PRSS16: variants seen among roughly 807,000 people sequenced by gnomAD.
The protein encoded by PRSS16 is thymus-specific serine protease.
Under a neutral mutation model 61.7 loss-of-function variants are expected in PRSS16, and 43 were observed. The ratio of observed to expected loss-of-function variants is 0.70; its 90% CI spans 0.55 to 0.90. The LOEUF is 0.90. Ranked by LOEUF, PRSS16 falls within the 40% of genes least tolerant of loss-of-function variation. The probability of loss-of-function intolerance (pLI) is 0.00; values close to 1 mark genes in which losing one functional copy is unlikely to be tolerated. For missense variants in PRSS16, 591 were observed against 659.1 expected (o/e 0.90, Z 1.13); for synonymous variants, 273 against 285.2 (o/e 0.96, Z 0.43).
chr6:27,251,773 C>G lies in PRSS16; in HGVS notation c.741C>G (p.Ala247=). The change falls in exon 8 of 12, where the codon GCC becomes GCG. Residue 247 remains alanine, a synonymous_variant. Transcript: ENST00000230582. The surrounding 1 kb of genome is among the most constrained non-coding windows in gnomAD (Gnocchi z 5.6). ...SLECRAAVSV[A]FAEVERRLRS... ...AGTGCCGGGCGGCGGTGTCCGTCGC[C>G]TTCGCTGAAGTGGAGCGGCGGCTGC... The G allele has an allele frequency of 6.2e-7, 1 of 1,607,302 alleles. No individual in the cohort carries two copies. The highest frequency in any genetic ancestry group is 1.1e-5 in the South Asian group (1 of 90,752).
Position 27,251,531 on chromosome 6 carries a change from T to G in PRSS16, c.718-219T>G. Reference sequence around the variant, plus strand: ...GGCTCAAGGTGGGGCGGGGCCACAATGGAGGACGGGGCCTGCAGGGAAGAC... The same window carrying G: ...GGCTCAAGGTGGGGCGGGGCCACAAGGGAGGACGGGGCCTGCAGGGAAGAC... On this transcript the variant is annotated intron_variant, in intron 7 of 11. Coordinates refer to ENST00000230582, the MANE Select transcript of PRSS16 (RefSeq NM_005865.4). This position sits in a 1 kb window ranked among gnomAD's most constrained non-coding sequence, Gnocchi z 5.6. The G allele has an allele frequency of 1.7e-6, 1 of 577,264 alleles. No individual in the cohort carries two copies. The highest frequency in any genetic ancestry group is 2.6e-6 in the Non-Finnish European group (1 of 391,288). 35.8% of individuals were successfully genotyped at this position (577,264 alleles called of 1,614,324 possible). A position where few individuals can be genotyped will look rare whatever the true frequency, so the allele number is the denominator to read the frequency against.
rs1378688900 is a variant in PRSS16 at position 27,256,243 on chromosome 6, C to A, written c.*928C>A. On this transcript the variant is annotated 3_prime_UTR_variant, in exon 12 of 12. Coordinates refer to ENST00000230582, the MANE Select transcript of PRSS16 (RefSeq NM_005865.4). ...ACCCTTCACTCACCATCTTTTCCCA[C>A]AATCAAATATCACTCCCTGGTACTT... 1 of 152,748 alleles carries A rather than the reference C, an allele frequency of 6.5e-6. No homozygotes were observed. The highest frequency in any genetic ancestry group is 1.5e-5 in the Non-Finnish European group (1 of 68,126). 9.5% of individuals were successfully genotyped at this position (152,748 alleles called of 1,614,324 possible).
Position 27,256,143 on chromosome 6 carries a change from C to A in PRSS16, c.*828C>A. 1 of 152,744 alleles carries A rather than the reference C, an allele frequency of 6.5e-6. No homozygotes were observed. 9.5% of individuals were successfully genotyped at this position (152,744 alleles called of 1,614,324 possible). A position where few individuals can be genotyped will look rare whatever the true frequency, so the allele number is the denominator to read the frequency against. ...CTCTATTTCTGTCTCTGATGCTCTT[C>A]TTCTGTGTCTCTATTTCTCTTCCTG... On this transcript the variant is annotated 3_prime_UTR_variant, in exon 12 of 12. Coordinates refer to ENST00000230582, the MANE Select transcript of PRSS16 (RefSeq NM_005865.4).
In PRSS16 at chr6:27,251,872, C is replaced by T. The variant is rs1759917387; in HGVS notation, c.840C>T (p.Asn280=). ...GCGGGCCCCTGGGCCGCGCTGAAAA[C>T]CAGGCGGAGCTGTTGGGGGCGCTGC... The part of the protein sequence containing the change: ...SACGPLGRAE[N]QAELLGALQA... The change falls in exon 8 of 12, where the codon AAC becomes AAT. Residue 280 remains asparagine (N), a synonymous_variant. Transcript: ENST00000230582. This position sits in a 1 kb window ranked among gnomAD's most constrained non-coding sequence, Gnocchi z 5.6. 1.9e-6 allele frequency: 3 copies of T among 1,613,244 alleles called. No individual in the cohort carries two copies. The highest frequency in any genetic ancestry group is 3.3e-5 in the Admixed American group (2 of 59,934).
chr6:27,251,013 C>T lies in PRSS16; in HGVS notation c.592-29C>T, dbSNP rs973801729. ...AGATATGCGATTCCAACCCCTCAGC[C>T]CGCAGGCTGACGGCGTCTCCTCCCT... On this transcript the variant is annotated intron_variant, in intron 5 of 11. Transcript: ENST00000230582. The surrounding 1 kb of genome is among the most constrained non-coding windows in gnomAD (Gnocchi z 5.6). 1 of 1,612,360 alleles carries T rather than the reference C, an allele frequency of 6.2e-7. No individual in the cohort carries two copies. Among genetic ancestry groups the T allele is most frequent in the African/African-American group, 1.3e-5 (1 of 75,060 alleles).
Position 27,252,684 on chromosome 6 carries a change from G to A in PRSS16, c.1009-124G>A. 1 of 1,044,446 alleles carries A rather than the reference G, an allele frequency of 9.6e-7. No individual in the cohort carries two copies. The highest frequency in any genetic ancestry group is 1.4e-6 in the Non-Finnish European group (1 of 713,872). 64.7% of individuals were successfully genotyped at this position (1,044,446 alleles called of 1,614,324 possible). ...CACCCCCTCTGACCACTGACTCCCA[G>A]GAGAACTCAGGAACTCACCCTTCTA... is the stretch of plus-strand genomic sequence containing the variant. On this transcript the variant is annotated intron_variant, in intron 8 of 11. Transcript: ENST00000230582. This position sits in a 1 kb window ranked among gnomAD's most constrained non-coding sequence, Gnocchi z 4.2.
rs536776485 is a variant in PRSS16, at chr6:27,248,039, C to A, written c.228C>A (p.Ser76=). 3 of 1,613,582 alleles carry A rather than the reference C, an allele frequency of 1.9e-6. No homozygotes were observed. Among genetic ancestry groups the A allele is most frequent in the African/African-American group, 2.7e-5 (2 of 74,998 alleles). Residue 76 remains serine, a synonymous_variant, in exon 2 of 12, where the codon TCC becomes TCA. Coordinates refer to ENST00000230582, the MANE Select transcript of PRSS16 (RefSeq NM_005865.4). The part of the protein sequence containing the change: ...LDPFNVSDRR[S]FLQRYWVNDQ... The stretch of plus-strand genomic sequence containing the variant: ...CCTTCAACGTGTCCGACAGACGATC[C>A]TTCCTACAGGTGAGGCCGGGAGACG...
Position 27,249,084 on chromosome 6 carries a change from C to A in PRSS16, c.338-16C>A. On this transcript the variant is annotated splice_polypyrimidine_tract_variant and intron_variant, in intron 3 of 11. Transcript: ENST00000230582. ...GCATCTCACCTCCCCACCCCCCACC[C>A]ATACACTCTTCACAGGCCATCCCGC... 3 of 621,342 alleles carry A rather than the reference C, an allele frequency of 4.8e-6. No homozygotes were observed. The highest frequency in any genetic ancestry group is 4.6e-5 in the South Asian group (3 of 65,466). The allele number at this position is 621,342 out of a possible 1,614,324, so 38.5% of individuals were successfully genotyped here.
chr6:27,256,399 C>A lies in PRSS16; in HGVS notation c.*1084C>A, dbSNP rs1760030889. 1 of 152,656 alleles carries A rather than the reference C, an allele frequency of 6.6e-6. No individual in the cohort carries two copies. The allele number at this position is 152,656 out of a possible 1,614,324, so 9.5% of individuals were successfully genotyped here. ...GTGACAGGAACCTGCCATAGATTTG[C>A]ACTGTTCTTTCCTAAAGATCAATTA... On this transcript the variant is annotated 3_prime_UTR_variant, in exon 12 of 12. Transcript: ENST00000230582.
chr6:27,249,051 C>A, intron 3 of PRSS16, 49 bp from the exon 4 acceptor site: 1 of 1,432,296 alleles, frequency 7.0e-7, no homozygotes, highest in Non-Finnish European at 9.8e-7. Context: ...AGGGCTTAAA[C>A]TCAACTTGCA....
Position 27,249,081 on chromosome 6 carries a change from A to G in PRSS16, c.338-19A>G. On this transcript the variant is annotated intron_variant, in intron 3 of 11. Coordinates refer to ENST00000230582, the MANE Select transcript of PRSS16 (RefSeq NM_005865.4). ...CTTGCATCTCACCTCCCCACCCCCC[A>G]CCCATACACTCTTCACAGGCCATCC... 2.0e-6 allele frequency: 1 copy of G among 489,266 alleles called. No homozygotes were observed. The highest frequency in any genetic ancestry group is 3.5e-6 in the Non-Finnish European group (1 of 286,900). The allele number at this position is 489,266 out of a possible 1,614,324, so 30.3% of individuals were successfully genotyped here. A position where few individuals can be genotyped will look rare whatever the true frequency, so the allele number is the denominator to read the frequency against.
Position 27,252,113 on chromosome 6 carries a change from T to A in PRSS16, c.1008+73T>A, listed in dbSNP as rs1024613547. ...CTGCCCCACTTCCGTTGTGTGATCTTGGGCAAGCGAGAACCTTCTCTGAAA... is the reference window on the plus strand; with the variant it reads ...CTGCCCCACTTCCGTTGTGTGATCTAGGGCAAGCGAGAACCTTCTCTGAAA... On this transcript the variant is annotated intron_variant, in intron 8 of 11. Transcript: ENST00000230582. The surrounding 1 kb of genome is among the most constrained non-coding windows in gnomAD (Gnocchi z 4.2). 170 of 1,414,642 alleles carry A rather than the reference T, an allele frequency of 1.2e-4. No homozygotes were observed. The highest frequency in any genetic ancestry group is 1.5e-4 in the Non-Finnish European group (165 of 1,084,672). The allele number at this position is 1,414,642 out of a possible 1,614,324, so 87.6% of individuals were successfully genotyped here.
chr6:27,255,185 C>T lies in PRSS16; in HGVS notation c.1476+54C>T. 6.2e-7 allele frequency: 1 copy of T among 1,613,742 alleles called. No individual in the cohort carries two copies. Among genetic ancestry groups the T allele is most frequent in the Non-Finnish European group, 8.5e-7 (1 of 1,179,650 alleles). On this transcript the variant is annotated intron_variant, in intron 11 of 11. Transcript: ENST00000230582. This position sits in a 1 kb window ranked among gnomAD's most constrained non-coding sequence, Gnocchi z 4.4. ...GCATTCTCATTTGAATAATCACTTG[C>T]ATGTTCCCTCCTTCTGCTGGTGCTG...
chr6:27,253,483 A>C, intron 9 of PRSS16: 1 of 454,060 alleles, frequency 2.2e-6, no homozygotes, highest in Non-Finnish European at 4.4e-6. Context: ...GCATCCACAG[A>C]GATCCTTGTA....
chr6:27,251,782 AGTGGAGCGGCGGCTGCGCTCGG>A lies in PRSS16; in HGVS notation c.755_776del (p.Glu252GlyfsTer11), dbSNP rs1759911396. ...CGGCGGTGTCCGTCGCCTTCGCTGA[AGTGGAGCGGCGGCTGCGCTCGG>A]GTGGGGCGGCTCAAGCAGCATTGCG... On this transcript the variant is annotated frameshift_variant, in exon 8 of 12. Transcript: ENST00000230582. LOFTEE classifies it high-confidence loss of function. The surrounding 1 kb of genome is among the most constrained non-coding windows in gnomAD (Gnocchi z 5.6). The A allele has an allele frequency of 6.2e-7, 1 of 1,608,836 alleles. No homozygotes were observed. Among genetic ancestry groups the A allele is most frequent in the African/African-American group, 1.3e-5 (1 of 74,802 alleles).
rs1168907573 is a variant in PRSS16 at position 27,251,344 on chromosome 6, G to A, written c.717+80G>A. 2 of 1,482,000 alleles carry A rather than the reference G, an allele frequency of 1.3e-6. No homozygotes were observed. Among genetic ancestry groups the A allele is most frequent in the South Asian group, 1.3e-5 (1 of 75,690 alleles). The allele number at this position is 1,482,000 out of a possible 1,614,324, so 91.8% of individuals were successfully genotyped here. ...GCCAGGGAAGAGGAGGCCAGAGAAG[G>A]GCGAAACCTGCAACGTGGCGGGGTC... On this transcript the variant is annotated intron_variant, in intron 7 of 11. Coordinates refer to ENST00000230582, the MANE Select transcript of PRSS16 (RefSeq NM_005865.4). The surrounding 1 kb of genome is among the most constrained non-coding windows in gnomAD (Gnocchi z 5.6).
rs1293265665 is a variant in PRSS16, at chr6:27,256,434, A to G, written c.*1119A>G. 2 of 152,638 alleles carry G rather than the reference A, an allele frequency of 1.3e-5. No individual in the cohort carries two copies. The highest frequency in any genetic ancestry group is 2.9e-5 in the Non-Finnish European group (2 of 68,046). 9.5% of individuals were successfully genotyped at this position (152,638 alleles called of 1,614,324 possible). On this transcript the variant is annotated 3_prime_UTR_variant, in exon 12 of 12. Coordinates refer to ENST00000230582, the MANE Select transcript of PRSS16 (RefSeq NM_005865.4). The stretch of plus-strand genomic sequence containing the variant: ...TCCTAAAGATCAATTATTTTCAGCA[A>G]TAAATACTTCTCAGCTTTTTGTATG...
In PRSS16 at chr6:27,248,549, C is replaced by T. The variant is rs544418104; in HGVS notation, c.238-298C>T. Among the ~76,000 whole-genome samples the T allele has an allele frequency of 3.9e-5, 6 of 152,176 alleles. No individual in the cohort carries two copies. In the East Asian group the frequency reaches 1.2e-3, roughly 29 times the overall value. ...TTCCTAAATCCATCTGCATTTATTT[C>T]TTATTTTACAATTATTACTTCAAGA... On this transcript the variant is annotated intron_variant, in intron 2 of 11. Coordinates refer to ENST00000230582, the MANE Select transcript of PRSS16 (RefSeq NM_005865.4).
Position 27,251,385 on chromosome 6 carries a change from C to G in PRSS16, c.717+121C>G. The G allele has an allele frequency of 7.9e-7, 1 of 1,270,282 alleles. No homozygotes were observed. Among genetic ancestry groups the G allele is most frequent in the Non-Finnish European group, 1.1e-6 (1 of 940,334 alleles). 78.7% of individuals were successfully genotyped at this position (1,270,282 alleles called of 1,614,324 possible). On this transcript the variant is annotated intron_variant, in intron 7 of 11. Coordinates refer to ENST00000230582, the MANE Select transcript of PRSS16 (RefSeq NM_005865.4). The surrounding 1 kb of genome is among the most constrained non-coding windows in gnomAD (Gnocchi z 5.6). Reference sequence around the variant, plus strand: ...TGGCGGGGTCTAAGGAAGGTCGGAGCTCGGGGGAATACGCAGGTTTTGGAA... The same window carrying G: ...TGGCGGGGTCTAAGGAAGGTCGGAGGTCGGGGGAATACGCAGGTTTTGGAA...
Sources: gnomAD v4.1 joint callset for allele counts (sites outside exome capture counted in the v4.1 genomes callset) on GRCh38, gnomAD v4.1.1 for gene constraint, Gnocchi (gnomAD v3.1) non-coding constraint, MANE v1.5 for transcripts, NCBI Gene and HGNC (gene_info 2026-07-23, HGNC 2026-07-21) for gene names.